Variants in FXYD6 observed in about 807,000 individuals in gnomAD.
FXYD6 encodes FXYD domain-containing ion transport regulator 6.
FXYD6 carries 7 observed loss-of-function variants against 16.7 expected under a neutral mutation model. The observed-to-expected ratio is 0.42, with a 90% CI of 0.24 to 0.79. The LOEUF (loss-of-function observed/expected upper bound fraction) is 0.79. Among genes scored for constraint, FXYD6 ranks in the 30% least tolerant of loss-of-function variants. FXYD6 has a pLI of 0.28. For missense variants in FXYD6, 111 were observed against 116.2 expected (o/e 0.95, Z 0.21); for synonymous variants, 49 against 43.0 (o/e 1.14, Z -0.54).
chr11:117,846,129 T>G (rs976009010), intron 1 of FXYD6, among the ~76,000 whole-genome samples: 3 of 152,224 alleles, frequency 2.0e-5, no homozygotes, highest in African/African-American at 7.2e-5. Flanking sequence ...ATATTTTCAT[T>G]TTTGCCAATC....
intron 1 of FXYD6, among the ~76,000 whole-genome samples, chr11:117,869,697 G>A (rs1005427510): frequency 5.9e-5 from 9 of 152,214 alleles, no homozygotes; most frequent in African/African-American, 1.9e-4. Flanking sequence ...AGAAGAGAGA[G>A]AGACAGAAAA....
chr11:117,842,477 C>A (rs1285782116), intron 2 of FXYD6, among the ~76,000 whole-genome samples: 5 of 152,166 alleles, frequency 3.3e-5, no homozygotes, highest in Non-Finnish European at 7.3e-5. Context: ...GCTTGCGGGG[C>A]TTAAAAACTA....
At position 117,858,690 on chromosome 11, in the gene FXYD6, TC is replaced by T. The variant is rs1392455613; in HGVS notation, c.-5-15910del. Among the ~76,000 whole-genome samples the T allele has an allele frequency of 2.9e-3, 249 of 87,144 alleles. 6 individuals are homozygous for T. The highest frequency in any genetic ancestry group is 0.012 in the African/African-American group (228 of 18,400). 57.2% of individuals were successfully genotyped at this position (87,144 alleles called of 152,430 possible). A position where few individuals can be genotyped will look rare whatever the true frequency, so the allele number is the denominator to read the frequency against. On this transcript the variant is annotated intron_variant, in intron 1 of 7. Coordinates refer to ENST00000526014, the MANE Select transcript of FXYD6 (RefSeq NM_022003.4). The stretch of plus-strand genomic sequence containing the variant: ...TTCTTTCTTTCTTTCTTTCTTTCTT[TC>T]TTTCTTTCTTTCTCTCTCTCTCTCC...
At chr11:117,877,105 C>T (rs1312320512), upstream of FXYD6, 1 of 152,248 alleles carries the variant, frequency 6.6e-6, no homozygotes, top group Non-Finnish European at 1.5e-5. Context: ...AATAGTAAAC[C>T]CCGAGGAACG....
intron 1 of FXYD6, chr11:117,869,184 GGAGACTGGACTCA>G (rs2057077516): frequency 1.3e-5 from 2 of 152,290 alleles, no homozygotes; most frequent in Non-Finnish European, 2.9e-5. Context: ...GAGTCGAGGA[GGAGACTGGACTCA>G]GAGACTGGCA....
intron 1 of FXYD6, among the ~76,000 whole-genome samples, chr11:117,863,978 G>T (rs539050039): frequency 6.6e-6 from 1 of 152,248 alleles, no homozygotes; most frequent in East Asian, 1.9e-4. Context: ...AATAGTCCAT[G>T]TTTGTAGATT....
At chr11:117,857,311 C>A (rs1215935873) in intron 1 of FXYD6, among the ~76,000 whole-genome samples, 5 of 152,038 alleles carry the variant, frequency 3.3e-5, no homozygotes, top group Non-Finnish European at 7.3e-5. Context: ...GTGCAGGTGG[C>A]TATTGCTGCA....
intron 1 of FXYD6, among the ~76,000 whole-genome samples, chr11:117,845,036 G>A (rs1198065550): frequency 6.6e-6 from 1 of 152,118 alleles, no homozygotes; most frequent in African/African-American, 2.4e-5. Flanking sequence ...ATCTTAAACT[G>A]TACAATTCAG....
Position 117,873,030 on chromosome 11 carries a change from A to AC in FXYD6, c.-6+3561dup, listed in dbSNP as rs377334854. ...CTTCCAGAGAACAACTCTTTAAAGA[A>AC]CCCCCCCCAACCGCCGCCCGCCTCC... On this transcript the variant is annotated intron_variant, in intron 1 of 7. Transcript: ENST00000526014. 6.1e-4 allele frequency among the ~76,000 whole-genome samples: 90 copies of AC among 148,378 alleles called. 1 individual carries two copies. The highest frequency in any genetic ancestry group is 1.6e-3 in the African/African-American group (65 of 40,240).
intron 1 of FXYD6, among the ~76,000 whole-genome samples, chr11:117,852,478 T>C (rs1023851497): frequency 3.3e-5 from 5 of 152,262 alleles, no homozygotes; most frequent in Non-Finnish European, 7.3e-5. Flanking sequence ...CTGGCTTCCA[T>C]GATTGCTGTT....
chr11:117,862,485 G>A lies in FXYD6; in HGVS notation c.-6+14107C>T, dbSNP rs114883009. On this transcript the variant is annotated intron_variant, in intron 1 of 7. Coordinates refer to ENST00000526014, the MANE Select transcript of FXYD6 (RefSeq NM_022003.4). ...CTGTTCCTGGGAGAAAACAACTCAC[G>A]CCCTTCCCTGGCTACAGGGCCGCTG... Among the ~76,000 whole-genome samples the A allele has an allele frequency of 2.8e-3, 425 of 152,254 alleles. 3 individuals are homozygous for A. Among genetic ancestry groups the A allele is most frequent in the African/African-American group, 9.3e-3 (387 of 41,564 alleles).
intron 5 of FXYD6, among the ~76,000 whole-genome samples, chr11:117,840,627 T>C (rs372365889): frequency 4.5e-4 from 69 of 152,302 alleles, no homozygotes; most frequent in African/African-American, 1.5e-3. Context: ...CATGGGGGCT[T>C]GGGTGTGTCC....
chr11:117,876,953 C>G (rs1246523791), upstream of FXYD6: 1 of 152,250 alleles, frequency 6.6e-6, no homozygotes. Context: ...AGTCAAGCTC[C>G]GAGAAGCAAC....
intron 1 of FXYD6, among the ~76,000 whole-genome samples, chr11:117,869,529 G>C (rs1341267410): frequency 3.9e-5 from 6 of 152,196 alleles, no homozygotes; most frequent in Non-Finnish European, 7.4e-5. Flanking sequence ...ACCCAACCCA[G>C]CCCGGCTGCA....
In FXYD6 at chr11:117,841,813, C is replaced by A; in HGVS notation, c.150G>T (p.Ser50=). The change falls in exon 4 of 8, where the codon TCG becomes TCT. Residue 50 remains serine (S), a synonymous_variant. Transcript: ENST00000526014. ...GGLVFAVVLF[S]VGILLILSRR... ...TACTTAGGATAAGGAGGATCCCAACCGAGAAGAGGACCACAGCGAACACCA... is the reference window on the plus strand; with the variant it reads ...TACTTAGGATAAGGAGGATCCCAACAGAGAAGAGGACCACAGCGAACACCA... 6.2e-7 allele frequency: 1 copy of A among 1,613,912 alleles called. No individual in the cohort carries two copies. The highest frequency in any genetic ancestry group is 8.5e-7 in the Non-Finnish European group (1 of 1,180,004).
intron 1 of FXYD6, among the ~76,000 whole-genome samples, chr11:117,873,876 C>T (rs558175399): frequency 2.6e-5 from 4 of 152,278 alleles, no homozygotes; most frequent in East Asian, 1.9e-4. Context: ...GCAGGCTCCT[C>T]GGTTGTACCC....
chr11:117,875,086 G>A (rs556219932), intron 1 of FXYD6, among the ~76,000 whole-genome samples: 1 of 140,064 alleles, frequency 7.1e-6, no homozygotes, highest in Non-Finnish European at 1.6e-5. Flanking sequence ...CCCAGCCTGA[G>A]ACTTATTTAG....
chr11:117,857,209 T>G (rs1211981194), intron 1 of FXYD6, among the ~76,000 whole-genome samples: 1 of 152,066 alleles, frequency 6.6e-6, no homozygotes, highest in Non-Finnish European at 1.5e-5. Context: ...TCTGGAGGCA[T>G]GGGGCCCAAA....
intron 1 of FXYD6, among the ~76,000 whole-genome samples, chr11:117,843,142 C>T (rs2056395184): frequency 6.6e-6 from 1 of 152,138 alleles, no homozygotes; most frequent in African/African-American, 2.4e-5. Flanking sequence ...ATCATGTTGG[C>T]CAGGCTGGTC....
Sources: allele counts gnomAD v4.1 joint callset (sites outside exome capture counted in the v4.1 genomes callset), GRCh38; gene constraint gnomAD v4.1.1; transcripts MANE v1.5; gene names NCBI Gene and HGNC (gene_info 2026-07-23, HGNC 2026-07-21).